PCSK2: variants seen among roughly 807,000 people sequenced by gnomAD.
PCSK2 encodes proprotein convertase subtilisin/kexin type 2.
A neutral mutation model predicts 69.7 loss-of-function variants in PCSK2; 14 were observed. That is an observed-to-expected ratio of 0.20 (90% CI 0.13 to 0.31). PCSK2 has a LOEUF of 0.31. PCSK2 is among the 10% of genes least tolerant of loss of function. The pLI, the probability that PCSK2 is intolerant of heterozygous loss-of-function variation, is 1.00. For missense variants in PCSK2, 544 were observed against 842.5 expected (o/e 0.65, Z 4.39); for synonymous variants, 307 against 320.7 (o/e 0.96, Z 0.46).
chr20:17,342,356 C>A (rs1990532587), intron 2 of PCSK2, among the ~76,000 whole-genome samples: 1 of 152,212 alleles, frequency 6.6e-6, no homozygotes, highest in African/African-American at 2.4e-5. Flanking sequence ...CCTTCTCTGT[C>A]ACCCAGACTG....
intron 6 of PCSK2, among the ~76,000 whole-genome samples, chr20:17,413,124 T>C (rs1223702409): frequency 6.6e-6 from 1 of 152,150 alleles, no homozygotes; most frequent in Non-Finnish European, 1.5e-5. Flanking sequence ...CTGCATCAAC[T>C]AACGGGCAAA....
intron 6 of PCSK2, among the ~76,000 whole-genome samples, chr20:17,416,342 C>G (rs2031998419): frequency 6.6e-6 from 1 of 151,924 alleles, no homozygotes; most frequent in Non-Finnish European, 1.5e-5. Context: ...AAAGACAACC[C>G]CATCAAAAAG....
chr20:17,384,919 C>A (rs2031194536), intron 5 of PCSK2, among the ~76,000 whole-genome samples: 1 of 152,034 alleles, frequency 6.6e-6, no homozygotes, highest in Admixed American at 6.5e-5. Context: ...CAGAACGCAA[C>A]CCTGACTCAA....
chr20:17,333,733 T>A (rs897202665), intron 2 of PCSK2, among the ~76,000 whole-genome samples: 1 of 151,904 alleles, frequency 6.6e-6, no homozygotes, highest in Non-Finnish European at 1.5e-5. Context: ...CCTCATCCAC[T>A]TTCTACCTGT....
rs139763547 is a variant in PCSK2 at position 17,317,556 on chromosome 20, C to T, written c.283-40771C>T. Among the ~76,000 whole-genome samples, 370 of 152,272 alleles carry T rather than the reference C, an allele frequency of 2.4e-3. 5 individuals are homozygous for T. Among genetic ancestry groups the T allele is most frequent in the Admixed American group, 0.023 (347 of 15,298 alleles). On this transcript the variant is annotated intron_variant, in intron 2 of 11. Transcript: ENST00000262545. ...GGCAACTAAATCTTCATTTATTAGA[C>T]GTGTTTTTCTTTTACTAACAGCTGC...
At chr20:17,379,926 T>C (rs1199780015) in intron 5 of PCSK2, among the ~76,000 whole-genome samples, 1 of 152,232 alleles carries the variant, frequency 6.6e-6, no homozygotes, top group East Asian at 1.9e-4. Context: ...CTTTCACCTG[T>C]TGGCCTTGAA....
Position 17,413,119 on chromosome 20 carries a change from T to C in PCSK2, c.620+3780T>C, listed in dbSNP as rs146359011. The stretch of plus-strand genomic sequence containing the variant: ...CCATCAATGCTAGGAAGAAACTGCA[T>C]CAACTAACGGGCAAAATAACCAGCT... On this transcript the variant is annotated intron_variant, in intron 6 of 11. Transcript: ENST00000262545. Among the ~76,000 whole-genome samples, 437 of 152,240 alleles carry C rather than the reference T, an allele frequency of 2.9e-3. 3 individuals are homozygous for C. Among genetic ancestry groups the C allele is most frequent in the African/African-American group, 0.01 (419 of 41,530 alleles).
At chr20:17,233,810 G>A (rs527901071) in intron 1 of PCSK2, among the ~76,000 whole-genome samples, 2 of 152,162 alleles carry the variant, frequency 1.3e-5, no homozygotes, top group South Asian at 2.1e-4. Flanking sequence ...TTGTAAATAA[G>A]CGTGATCATG....
intron 2 of PCSK2, among the ~76,000 whole-genome samples, chr20:17,265,475 AT>A (rs1473869912): frequency 6.6e-6 from 1 of 152,244 alleles, no homozygotes; most frequent in Non-Finnish European, 1.5e-5. Context: ...AAGGAAAAAA[AT>A]AAAGCATATA....
chr20:17,260,117 A>G (rs1056971405), intron 1 of PCSK2, 123 bp from the exon 2 acceptor site: 3 of 684,126 alleles, frequency 4.4e-6, no homozygotes, highest in Admixed American at 2.2e-5. Context: ...GAGGTTTGCC[A>G]GTGGTTTCCT....
At chr20:17,239,567 T>C (rs1322575627) in intron 1 of PCSK2, among the ~76,000 whole-genome samples, 1 of 151,834 alleles carries the variant, frequency 6.6e-6, no homozygotes, top group African/African-American at 2.4e-5. Context: ...GGCCATAAAC[T>C]AGAAAATGAG....
intron 2 of PCSK2, among the ~76,000 whole-genome samples, chr20:17,319,404 T>G (rs1226220830): frequency 1.3e-5 from 2 of 152,202 alleles, no homozygotes; most frequent in Non-Finnish European, 2.9e-5. Context: ...CGATTGGTCT[T>G]GAACGGCCTC....
chr20:17,294,333 C>T (rs1017288892), intron 2 of PCSK2, among the ~76,000 whole-genome samples: 79 of 151,912 alleles, frequency 5.2e-4, no homozygotes, highest in Non-Finnish European at 4.9e-4. Context: ...GTCTCGATCT[C>T]CTGACCTCGT....
Position 17,346,603 on chromosome 20 carries a change from C to T in PCSK2, c.283-11724C>T, listed in dbSNP as rs186488904. 2.2e-4 allele frequency among the ~76,000 whole-genome samples: 33 copies of T among 152,296 alleles called. No homozygotes were observed. The East Asian group carries it at 5.0e-3, about 23-fold the overall frequency. On this transcript the variant is annotated intron_variant, in intron 2 of 11. Coordinates refer to ENST00000262545, the MANE Select transcript of PCSK2 (RefSeq NM_002594.5). ...TAGCTTTGCTTCTTTACTGCACTTA[C>T]ATCTCAGGAGACACTCATTGAGAGG... is the stretch of plus-strand genomic sequence containing the variant.
intron 2 of PCSK2, among the ~76,000 whole-genome samples, chr20:17,285,637 C>T (rs955396309): frequency 1.3e-5 from 2 of 152,246 alleles, no homozygotes; most frequent in African/African-American, 4.8e-5. Flanking sequence ...CAGGCAACTG[C>T]AGACAGATTG....
chr20:17,267,690 TG>T (rs1231668484), intron 2 of PCSK2, among the ~76,000 whole-genome samples: 1 of 152,140 alleles, frequency 6.6e-6, no homozygotes, highest in East Asian at 1.9e-4. Flanking sequence ...TTTTAAATGA[TG>T]GGTACTGTTC....
intron 2 of PCSK2, among the ~76,000 whole-genome samples, chr20:17,331,646 A>T (rs971235162): frequency 2.6e-5 from 4 of 152,294 alleles, no homozygotes; most frequent in Non-Finnish European, 4.4e-5. Flanking sequence ...GGGCACTTAA[A>T]TGATCTCTCT....
intron 2 of PCSK2, among the ~76,000 whole-genome samples, chr20:17,354,262 G>A (rs6080654): frequency 0.16 from 24,731 of 152,106 alleles, 2,335 homozygotes; most frequent in Middle Eastern, 0.27. Context: ...GTAAGCCAAC[G>A]GTCCTATTTG....
At chr20:17,412,962 T>C (rs966547802) in intron 6 of PCSK2, among the ~76,000 whole-genome samples, 6 of 152,090 alleles carry the variant, frequency 3.9e-5, no homozygotes, top group African/African-American at 1.4e-4. Context: ...AATAAAATCC[T>C]TTACAGACAA....
Sources: gnomAD v4.1 joint callset for allele counts (sites outside exome capture counted in the v4.1 genomes callset) on GRCh38, gnomAD v4.1.1 for gene constraint, MANE v1.5 for transcripts, NCBI Gene and HGNC (gene_info 2026-07-23, HGNC 2026-07-21) for gene names.